The following CHRNA7 variants were observed in gnomAD, a reference collection of about 807,000 sequenced individuals.
The protein encoded by CHRNA7 is neuronal acetylcholine receptor subunit alpha-7.
In CHRNA7, 17 loss-of-function variants were observed where a neutral mutation model predicts 48.0. The ratio of observed to expected loss-of-function variants is 0.35; its 90% CI spans 0.24 to 0.53. The LOEUF is 0.53. CHRNA7 is among the 20% of genes least tolerant of loss of function. The pLI, the probability that CHRNA7 is intolerant of heterozygous loss-of-function variation, is 0.92. For synonymous variants in CHRNA7, 75 were observed against 242.3 expected (o/e 0.31, Z 6.41); for missense variants, 155 against 577.7 (o/e 0.27, Z 7.50).
chr15:32,116,876 A>C (rs1244610566), intron 4 of CHRNA7, among the ~76,000 whole-genome samples: 2 of 152,214 alleles, frequency 1.3e-5, no homozygotes, highest in Non-Finnish European at 2.9e-5. Context: ...TGAGTGTGCA[A>C]AGCTGCATTT....
At chr15:32,135,171 C>T (rs914900913) in intron 4 of CHRNA7, among the ~76,000 whole-genome samples, 14 of 152,148 alleles carry the variant, frequency 9.2e-5, no homozygotes, top group African/African-American at 1.9e-4. Flanking sequence ...CCTCTCATGC[C>T]GGGGATAGGT....
chr15:32,094,246 A>G (rs2050429822), intron 2 of CHRNA7, among the ~76,000 whole-genome samples: 1 of 152,206 alleles, frequency 6.6e-6, no homozygotes, highest in African/African-American at 2.4e-5. Context: ...GGTTGCACAC[A>G]CTTTTTGAAA....
chr15:32,154,850 C>G (rs2051703870), intron 5 of CHRNA7, among the ~76,000 whole-genome samples: 1 of 96,080 alleles, frequency 1.0e-5, no homozygotes, highest in Admixed American at 1.3e-4. Flanking sequence ...CCACACACCA[C>G]TCACCCCTCA....
intron 2 of CHRNA7, 154 bp from the exon 3 acceptor site, chr15:32,101,149 A>G: frequency 1.5e-6 from 1 of 687,042 alleles, no homozygotes; most frequent in Non-Finnish European, 2.4e-6. Context: ...AACTCTAGGG[A>G]AATGCTGCTT....
chr15:32,135,127 C>G (rs535493612), intron 4 of CHRNA7, among the ~76,000 whole-genome samples: 2 of 152,240 alleles, frequency 1.3e-5, no homozygotes, highest in East Asian at 3.8e-4. Context: ...CTGCACCCCC[C>G]AGGAGAGGCT....
intron 4 of CHRNA7, among the ~76,000 whole-genome samples, chr15:32,148,432 G>T (rs933893369): frequency 7.2e-5 from 11 of 152,158 alleles, no homozygotes; most frequent in Admixed American, 7.2e-4. Context: ...GTGCTCAGCC[G>T]TAGAGGTCAA....
rs181062423 is a variant in CHRNA7 at position 32,058,499 on chromosome 15, G to C, written c.195+27462G>C. On this transcript the variant is annotated intron_variant, in intron 2 of 9. Coordinates refer to ENST00000306901, the MANE Select transcript of CHRNA7 (RefSeq NM_000746.6). ...AAGGCAGCTTCCTGGATTTCCACTG[G>C]CTTCCTGGATTTTTCCAGGTGTCAC... is the stretch of plus-strand genomic sequence containing the variant. Among the ~76,000 whole-genome samples, 6 of 152,294 alleles carry C rather than the reference G, an allele frequency of 3.9e-5. No homozygotes were observed. The East Asian group carries it at 9.6e-4, about 24-fold the overall frequency.
intron 4 of CHRNA7, among the ~76,000 whole-genome samples, chr15:32,117,450 G>T (rs538961843): frequency 6.6e-6 from 1 of 152,330 alleles, no homozygotes; most frequent in Admixed American, 6.5e-5. Flanking sequence ...GACATGGTCT[G>T]CTACAGCGCA....
intron 4 of CHRNA7, among the ~76,000 whole-genome samples, chr15:32,126,010 CA>C (rs35928459): frequency 0.44 from 64,366 of 146,458 alleles, 14,152 homozygotes; most frequent in African/African-American, 0.58. Flanking sequence ...TAGCTGATAG[CA>C]AAAAAAAAAA....
At chr15:32,065,055 CA>C (rs2049942569) in intron 2 of CHRNA7, among the ~76,000 whole-genome samples, 1 of 152,076 alleles carries the variant, frequency 6.6e-6, no homozygotes, top group African/African-American at 2.4e-5. Flanking sequence ...CAACATTTGC[CA>C]AAAGTAAGTT....
chr15:32,152,311 C>T (rs1219500540), intron 4 of CHRNA7, among the ~76,000 whole-genome samples: 1 of 152,138 alleles, frequency 6.6e-6, no homozygotes, highest in Non-Finnish European at 1.5e-5. Context: ...GGAGTGGTGG[C>T]ACGCACCTGT....
At chr15:32,050,398 A>G (rs148936603) in intron 2 of CHRNA7, among the ~76,000 whole-genome samples, 1,955 of 151,970 alleles carry the variant, frequency 0.013, 38 homozygotes, top group African/African-American at 0.045. Flanking sequence ...CATTCATTTC[A>G]TCTTCCATCG....
At chr15:32,128,971 G>A (rs867153996) in intron 4 of CHRNA7, among the ~76,000 whole-genome samples, 3 of 151,846 alleles carry the variant, frequency 2.0e-5, no homozygotes, top group Admixed American at 1.3e-4. Context: ...ATGGATGAGT[G>A]TTGAGTGTTA....
chr15:32,082,066 CT>C (rs1343310274), intron 2 of CHRNA7, among the ~76,000 whole-genome samples: 10 of 152,002 alleles, frequency 6.6e-5, no homozygotes, highest in Admixed American at 1.3e-4. Context: ...ATGAATAATA[CT>C]TTGTCATTTG....
chr15:32,114,407 A>G (rs977794110), intron 4 of CHRNA7, among the ~76,000 whole-genome samples: 1 of 152,020 alleles, frequency 6.6e-6, no homozygotes, highest in Non-Finnish European at 1.5e-5. Context: ...CCACCTCCAC[A>G]TGCCTGACCC....
chr15:32,114,045 T>TATATATACACAC (rs1555383680), intron 4 of CHRNA7, among the ~76,000 whole-genome samples: 446 of 35,314 alleles, frequency 0.013, 1 homozygote, highest in Admixed American at 0.037. Flanking sequence ...TATATATATG[T>TATATATACACAC]ATATATATAT....
intron 4 of CHRNA7, among the ~76,000 whole-genome samples, chr15:32,130,987 C>G (rs2051145471): frequency 6.6e-6 from 1 of 151,892 alleles, no homozygotes; most frequent in African/African-American, 2.4e-5. Context: ...ACTGTCATAC[C>G]ACCTCCTGCT....
intron 2 of CHRNA7, among the ~76,000 whole-genome samples, 179 bp downstream of exon 2, chr15:32,031,216 C>A (rs1200208995): frequency 6.6e-6 from 1 of 152,168 alleles, no homozygotes; most frequent in Admixed American, 6.5e-5. Flanking sequence ...TGTCTCATTT[C>A]TCGGTTTCCC....
At chr15:32,106,032 G>T (rs1349275519) in intron 3 of CHRNA7, among the ~76,000 whole-genome samples, 2 of 152,174 alleles carry the variant, frequency 1.3e-5, no homozygotes, top group African/African-American at 4.8e-5. Context: ...AGTCACCAGA[G>T]CAAGCTTGGA....
Sources: allele counts gnomAD v4.1 joint callset (sites outside exome capture counted in the v4.1 genomes callset), GRCh38; gene constraint gnomAD v4.1.1; transcripts MANE v1.5; gene names NCBI Gene and HGNC (gene_info 2026-07-23, HGNC 2026-07-21).